OXR1: variants seen among roughly 807,000 people sequenced by gnomAD.
OXR1 encodes the protein oxidation resistance 1.
In OXR1, 41 loss-of-function variants were observed where a neutral mutation model predicts 104.6. That is an observed-to-expected ratio of 0.39 (90% CI 0.31 to 0.51). The LOEUF (loss-of-function observed/expected upper bound fraction) is 0.51, where lower values mean the gene tolerates loss of function less well. Ranked by LOEUF, OXR1 falls within the 20% of genes least tolerant of loss-of-function variation. The probability of loss-of-function intolerance (pLI) is 0.77; values close to 1 mark genes in which losing one functional copy is unlikely to be tolerated. For synonymous variants in OXR1, 348 were observed against 348.4 expected, an observed-to-expected ratio of 1.00 and a Z score of 0.01; for missense variants, 955 against 1,031.9, an observed-to-expected ratio of 0.93 and a Z score of 1.02.
rs73309280 is a variant in OXR1, at chr8:106,472,774, A to G, written c.24-46169A>G. ...GTAAATATCAGTGTCCAGTGGTTCTATTTCTCAGGAATTTCTCTTTGTTAA... is the reference window on the plus strand; with the variant it reads ...GTAAATATCAGTGTCCAGTGGTTCTGTTTCTCAGGAATTTCTCTTTGTTAA... On this transcript the variant is annotated intron_variant, in intron 2 of 16. Coordinates refer to ENST00000517566, the MANE Select transcript of OXR1 (RefSeq NM_001198533.2). Among the ~76,000 whole-genome samples the G allele has an allele frequency of 3.9e-3, 599 of 151,790 alleles. 4 individuals carry two copies. The highest frequency in any genetic ancestry group is 0.014 in the African/African-American group (574 of 41,466).
At chr8:106,471,318 G>A (rs1821480885) in intron 2 of OXR1, among the ~76,000 whole-genome samples, 1 of 151,676 alleles carries the variant, frequency 6.6e-6, no homozygotes, top group South Asian at 2.1e-4. Context: ...ATCTGGGAAA[G>A]TGTTTCTCTA....
At chr8:106,284,049 A>G (rs1490835483) in intron 1 of OXR1, among the ~76,000 whole-genome samples, 1 of 152,008 alleles carries the variant, frequency 6.6e-6, no homozygotes, top group Admixed American at 6.6e-5. Context: ...TGAGGATCCA[A>G]GTATGTGCCA....
At chr8:106,726,642 T>C (rs1833371381) in intron 11 of OXR1, among the ~76,000 whole-genome samples, 1 of 152,174 alleles carries the variant, frequency 6.6e-6, no homozygotes, top group Non-Finnish European at 1.5e-5. Flanking sequence ...TGCTTGAAAA[T>C]AAATTGAATA....
At chr8:106,322,223 G>A (rs1340399060) in intron 1 of OXR1, among the ~76,000 whole-genome samples, 1 of 152,142 alleles carries the variant, frequency 6.6e-6, no homozygotes, top group East Asian at 1.9e-4. Context: ...CTTCGTCCCT[G>A]GGATGCAAGG....
At chr8:106,300,275 C>T (rs1197303646) in intron 1 of OXR1, among the ~76,000 whole-genome samples, 1 of 152,000 alleles carries the variant, frequency 6.6e-6, no homozygotes, top group African/African-American at 2.4e-5. Context: ...TGAGCAGTGT[C>T]CCAGGGTGAG....
At chr8:106,332,611 A>G (rs548730123) in intron 1 of OXR1, among the ~76,000 whole-genome samples, 1 of 152,266 alleles carries the variant, frequency 6.6e-6, no homozygotes, top group Non-Finnish European at 1.5e-5. Context: ...GAAATATAAT[A>G]TACATATCAT....
At chr8:106,397,095 A>G (rs1817812002) in intron 2 of OXR1, among the ~76,000 whole-genome samples, 1 of 152,100 alleles carries the variant, frequency 6.6e-6, no homozygotes, top group Non-Finnish European at 1.5e-5. Flanking sequence ...AAGTTTGTCC[A>G]AAAACTTGGT....
chr8:106,283,400 G>C (rs1386167578), intron 1 of OXR1, among the ~76,000 whole-genome samples: 1 of 152,128 alleles, frequency 6.6e-6, no homozygotes, highest in East Asian at 1.9e-4. Context: ...AACCTCATGT[G>C]TCTGTGGATT....
intron 3 of OXR1, among the ~76,000 whole-genome samples, chr8:106,525,277 C>G (rs889585139): frequency 6.6e-6 from 1 of 152,178 alleles, no homozygotes; most frequent in Non-Finnish European, 1.5e-5. Flanking sequence ...CTCAGTGACA[C>G]AGGGTAATGG....
At chr8:106,336,075 G>T (rs11997138) in intron 1 of OXR1, among the ~76,000 whole-genome samples, 1 of 152,022 alleles carries the variant, frequency 6.6e-6, no homozygotes, top group Non-Finnish European at 1.5e-5. Flanking sequence ...CAGTCTGAGC[G>T]ACAGAGTGAG....
At chr8:106,336,799 C>A (rs1396903236) in intron 1 of OXR1, among the ~76,000 whole-genome samples, 1 of 152,120 alleles carries the variant, frequency 6.6e-6, no homozygotes, top group Non-Finnish European at 1.5e-5. Flanking sequence ...GACAAAACTT[C>A]CTGGTACTTC....
At chr8:106,544,016 C>G (rs889726570) in intron 3 of OXR1, among the ~76,000 whole-genome samples, 41 of 152,110 alleles carry the variant, frequency 2.7e-4, no homozygotes, top group Admixed American at 4.6e-4. Context: ...CTTAATAGGT[C>G]AGGGATGACA....
At chr8:106,398,352 C>T (rs1416920051) in intron 2 of OXR1, among the ~76,000 whole-genome samples, 1 of 152,084 alleles carries the variant, frequency 6.6e-6, no homozygotes, top group Non-Finnish European at 1.5e-5. Context: ...GTACAGAGTG[C>T]AGCCTGGGCA....
chr8:106,547,801 C>A lies in OXR1; in HGVS notation c.220+28662C>A, dbSNP rs147899352. Among the ~76,000 whole-genome samples, 37 of 152,208 alleles carry A rather than the reference C, an allele frequency of 2.4e-4. No homozygotes were observed. The East Asian group carries it at 6.8e-3, about 28-fold the overall frequency. ...TACGGTTGTGAGCCACTGCACCTGG[C>A]CAGATTTCCTTTCTTTTTAGGAATG... On this transcript the variant is annotated intron_variant, in intron 3 of 16. Transcript: ENST00000517566.
intron 2 of OXR1, among the ~76,000 whole-genome samples, chr8:106,429,965 G>A (rs1452149785): frequency 6.6e-6 from 1 of 152,060 alleles, no homozygotes; most frequent in Admixed American, 6.6e-5. Context: ...TCTTTGAATT[G>A]ACAGTTATAC....
At chr8:106,348,378 G>A (rs1815585786) in intron 1 of OXR1, among the ~76,000 whole-genome samples, 1 of 152,040 alleles carries the variant, frequency 6.6e-6, no homozygotes, top group Admixed American at 6.5e-5. Context: ...GATTTTCCTC[G>A]ACTTGTCCCA....
intron 11 of OXR1, among the ~76,000 whole-genome samples, chr8:106,717,560 T>C (rs897830640): frequency 6.6e-6 from 1 of 152,178 alleles, no homozygotes; most frequent in African/African-American, 2.4e-5. Context: ...ATACATTGAC[T>C]GGGGAAGTTT....
At chr8:106,304,168 A>C (rs909867244) in intron 1 of OXR1, among the ~76,000 whole-genome samples, 2 of 152,128 alleles carry the variant, frequency 1.3e-5, no homozygotes, top group African/African-American at 4.8e-5. Flanking sequence ...CTCTATGCTA[A>C]ACCAAAATCT....
intron 2 of OXR1, among the ~76,000 whole-genome samples, chr8:106,483,270 T>C (rs962630234): frequency 1.8e-4 from 27 of 152,144 alleles, no homozygotes; most frequent in African/African-American, 6.3e-4. Context: ...ATGGCAACTT[T>C]GTGAGGGACG....
Sources: gnomAD v4.1 joint callset for allele counts (sites outside exome capture counted in the v4.1 genomes callset) on GRCh38, gnomAD v4.1.1 for gene constraint, MANE v1.5 for transcripts, NCBI Gene and HGNC (gene_info 2026-07-23, HGNC 2026-07-21) for gene names.